LRRC20: variants seen among roughly 807,000 people sequenced by gnomAD.
LRRC20 encodes leucine rich repeat containing 20.
LRRC20 carries 11 observed loss-of-function variants against 14.4 expected under a neutral mutation model. That is an observed-to-expected ratio of 0.77 (90% CI 0.48 to 1.27). The LOEUF (loss-of-function observed/expected upper bound fraction) is 1.27. Ranked by LOEUF, LRRC20 falls within the 50% of genes most tolerant of loss-of-function variation. The probability of loss-of-function intolerance (pLI) is 0.00; values close to 1 mark genes in which losing one functional copy is unlikely to be tolerated. For missense variants in LRRC20, 219 were observed against 251.2 expected (o/e 0.87, Z 0.87); for synonymous variants, 121 against 107.3 (o/e 1.13, Z -0.79).
chr10:70,330,849 C>T (rs938935011), intron 3 of LRRC20, among the ~76,000 whole-genome samples: 2 of 152,174 alleles, frequency 1.3e-5, no homozygotes, highest in Admixed American at 6.5e-5. Flanking sequence ...ATCCTCTGTG[C>T]GGTAAGGTGA....
chr10:70,360,324 A>AT (rs1843676135), intron 2 of LRRC20, among the ~76,000 whole-genome samples: 1 of 151,918 alleles, frequency 6.6e-6, no homozygotes, highest in Non-Finnish European at 1.5e-5. Flanking sequence ...AAGCATTGGG[A>AT]TTACAGGTGT....
At chr10:70,351,964 G>A (rs560244792) in intron 2 of LRRC20, among the ~76,000 whole-genome samples, 24 of 152,288 alleles carry the variant, frequency 1.6e-4, no homozygotes, top group Middle Eastern at 3.4e-3. Context: ...CAGTGAAGCC[G>A]AGTAAACTAC....
At chr10:70,336,928 T>C (rs1842740177) in intron 3 of LRRC20, among the ~76,000 whole-genome samples, 1 of 152,174 alleles carries the variant, frequency 6.6e-6, no homozygotes, top group African/African-American at 2.4e-5. Context: ...CAGCAGGACA[T>C]GGGGACCCAC....
chr10:70,357,619 C>T (rs945428495), intron 2 of LRRC20, among the ~76,000 whole-genome samples: 2 of 152,160 alleles, frequency 1.3e-5, no homozygotes, highest in African/African-American at 4.8e-5. Context: ...GACGAGGAGA[C>T]AACCGCATGT....
chr10:70,341,016 G>C (rs1337317375), intron 2 of LRRC20, among the ~76,000 whole-genome samples: 1 of 152,220 alleles, frequency 6.6e-6, no homozygotes, highest in Non-Finnish European at 1.5e-5. Flanking sequence ...CAGTGCCTTT[G>C]AGATCCTGCA....
chr10:70,301,801 G>A (rs934650697), intron 4 of LRRC20, among the ~76,000 whole-genome samples: 17 of 152,190 alleles, frequency 1.1e-4, no homozygotes, highest in African/African-American at 4.1e-4. Context: ...AGAACTGAAA[G>A]AATTAAAAAC....
chr10:70,326,643 C>T (rs1343210700), intron 3 of LRRC20, among the ~76,000 whole-genome samples: 2 of 152,162 alleles, frequency 1.3e-5, no homozygotes, highest in African/African-American at 4.8e-5. Context: ...ATAGCCACAC[C>T]TTAAACCACA....
At chr10:70,360,695 G>A (rs1279970847) in intron 2 of LRRC20, among the ~76,000 whole-genome samples, 1 of 151,948 alleles carries the variant, frequency 6.6e-6, no homozygotes, top group African/African-American at 2.4e-5. Flanking sequence ...CTCCCGCCCT[G>A]GCCTCTCAAA....
chr10:70,373,846 C>T (rs938559114), intron 2 of LRRC20, among the ~76,000 whole-genome samples: 5 of 152,222 alleles, frequency 3.3e-5, no homozygotes, highest in African/African-American at 9.6e-5. Context: ...AGTGGTCTGG[C>T]AGGGTGGCCA....
chr10:70,379,140 A>G (rs1844615015), intron 1 of LRRC20, among the ~76,000 whole-genome samples: 2 of 152,284 alleles, frequency 1.3e-5, no homozygotes, highest in South Asian at 4.1e-4. Context: ...AGACTCTTAC[A>G]ACAAATCTAA....
At chr10:70,304,679 ACT>A (rs1301183571) in intron 4 of LRRC20, among the ~76,000 whole-genome samples, 1 of 151,524 alleles carries the variant, frequency 6.6e-6, no homozygotes, top group Non-Finnish European at 1.5e-5. Flanking sequence ...CAAAACTGAA[ACT>A]CTATACCCAT....
At chr10:70,335,157 G>A (rs1842683315) in intron 3 of LRRC20, among the ~76,000 whole-genome samples, 2 of 152,178 alleles carry the variant, frequency 1.3e-5, no homozygotes, top group South Asian at 2.1e-4. Flanking sequence ...CACACACTTG[G>A]GGAAACAGAA....
Position 70,350,285 on chromosome 10 carries a change from G to A in LRRC20, c.83-9583C>T, listed in dbSNP as rs541314327. Among the ~76,000 whole-genome samples, 3 of 152,324 alleles carry A rather than the reference G, an allele frequency of 2.0e-5. No homozygotes were observed. The South Asian group carries it at 6.2e-4, about 32-fold the overall frequency. ...TGCAGCAGGGAACAGAAAGATCCTT[G>A]GGGGAGGCGGTAGCAGTACAATAAA... is the stretch of plus-strand genomic sequence containing the variant. On this transcript the variant is annotated intron_variant, in intron 2 of 4. Transcript: ENST00000446961.
intron 1 of LRRC20, 119 bp downstream of exon 1, chr10:70,382,430 A>C (rs894694075): frequency 6.6e-6 from 1 of 152,042 alleles, no homozygotes; most frequent in South Asian, 2.1e-4. Flanking sequence ...CGCTGCAAAA[A>C]TCGGAACACT....
intron 2 of LRRC20, among the ~76,000 whole-genome samples, chr10:70,373,388 G>C (rs140185665): frequency 1.3e-5 from 2 of 152,094 alleles, no homozygotes; most frequent in South Asian, 4.2e-4. Context: ...TCTTGTAGGT[G>C]GTGGGCTGGT....
At chr10:70,362,504 C>T (rs1843773710) in intron 2 of LRRC20, among the ~76,000 whole-genome samples, 1 of 152,222 alleles carries the variant, frequency 6.6e-6, no homozygotes, top group African/African-American at 2.4e-5. Context: ...CGCTGGAGTC[C>T]CACATTTGAC....
At chr10:70,302,988 G>A (rs943266613) in intron 4 of LRRC20, among the ~76,000 whole-genome samples, 3 of 151,726 alleles carry the variant, frequency 2.0e-5, no homozygotes, top group African/African-American at 7.3e-5. Flanking sequence ...GGGATTACAG[G>A]CGTGAGCCAC....
chr10:70,350,746 A>T (rs1295498552), intron 2 of LRRC20, among the ~76,000 whole-genome samples: 4 of 152,168 alleles, frequency 2.6e-5, no homozygotes, highest in African/African-American at 9.7e-5. Flanking sequence ...TGGGCTTGTG[A>T]CCTAGCCAAG....
chr10:70,380,111 C>G (rs539838384), intron 1 of LRRC20, among the ~76,000 whole-genome samples: 12 of 152,264 alleles, frequency 7.9e-5, no homozygotes, highest in Admixed American at 1.3e-4. Context: ...TTGCCTTAGA[C>G]CACTGATGAA....
Sources: gnomAD v4.1 joint callset for allele counts (sites outside exome capture counted in the v4.1 genomes callset) on GRCh38, gnomAD v4.1.1 for gene constraint, MANE v1.5 for transcripts, NCBI Gene and HGNC (gene_info 2026-07-23, HGNC 2026-07-21) for gene names.